MCU: variants seen among roughly 807,000 people sequenced by gnomAD.
MCU encodes calcium uniporter protein, mitochondrial.
Under a neutral mutation model 45.2 loss-of-function variants are expected in MCU, and 12 were observed. The ratio of observed to expected loss-of-function variants is 0.27; its 90% CI spans 0.17 to 0.43. The LOEUF is 0.43. Ranked by LOEUF, MCU falls within the 20% of genes least tolerant of loss-of-function variation. MCU has a pLI of 1.00. For missense variants in MCU, 324 were observed against 436.7 expected (o/e 0.74, Z 2.30); for synonymous variants, 160 against 165.1 (o/e 0.97, Z 0.24).
At chr10:72,779,136 A>G (rs566223074) in intron 1 of MCU, among the ~76,000 whole-genome samples, 2 of 152,072 alleles carry the variant, frequency 1.3e-5, no homozygotes, top group African/African-American at 2.4e-5. Flanking sequence ...TGCCCAGCTA[A>G]TTTTTGTATT....
chr10:72,804,046 A>G (rs1328546410), intron 1 of MCU, among the ~76,000 whole-genome samples: 1 of 79,978 alleles, frequency 1.3e-5, no homozygotes, highest in Non-Finnish European at 2.4e-5. Context: ...ATATATATAT[A>G]TATATATATA....
At chr10:72,869,152 A>G (rs143635948) in intron 5 of MCU, among the ~76,000 whole-genome samples, 1 of 152,356 alleles carries the variant, frequency 6.6e-6, no homozygotes, top group East Asian at 1.9e-4. Context: ...TGATCAGGAA[A>G]GGCTCTTGAG....
intron 1 of MCU, among the ~76,000 whole-genome samples, chr10:72,785,143 TAC>T (rs1844053562): frequency 6.6e-6 from 1 of 152,196 alleles, no homozygotes; most frequent in Admixed American, 6.5e-5. Flanking sequence ...CCACATATAT[TAC>T]ACAGTCGGCG....
At chr10:72,724,026 C>T (rs1163148026) in intron 1 of MCU, among the ~76,000 whole-genome samples, 1 of 152,148 alleles carries the variant, frequency 6.6e-6, no homozygotes, top group Non-Finnish European at 1.5e-5. Context: ...TCTAGATTTG[C>T]TCATCAAGAA....
chr10:72,727,620 T>C (rs1843118023), intron 1 of MCU, among the ~76,000 whole-genome samples: 1 of 152,246 alleles, frequency 6.6e-6, no homozygotes, highest in African/African-American at 2.4e-5. Context: ...ACTGATACTT[T>C]GAATTCTTCG....
intron 1 of MCU, among the ~76,000 whole-genome samples, chr10:72,799,364 T>C (rs906218583): frequency 6.6e-6 from 1 of 152,266 alleles, no homozygotes; most frequent in African/African-American, 2.4e-5. Context: ...TTACCTGCTG[T>C]GTGCCAAGCA....
chr10:72,709,964 C>T (rs1270351266), intron 1 of MCU, among the ~76,000 whole-genome samples: 1 of 152,102 alleles, frequency 6.6e-6, no homozygotes, highest in African/African-American at 2.4e-5. Flanking sequence ...ACTTTAAATA[C>T]ATAATGGCTT....
intron 1 of MCU, among the ~76,000 whole-genome samples, chr10:72,812,425 C>T (rs1159993406): frequency 6.6e-6 from 1 of 152,214 alleles, no homozygotes; most frequent in Non-Finnish European, 1.5e-5. Flanking sequence ...GGATTACAGG[C>T]ATGAGCCACT....
chr10:72,838,408 G>A (rs111287247), intron 2 of MCU, among the ~76,000 whole-genome samples: 3,418 of 152,180 alleles, frequency 0.022, 108 homozygotes, highest in African/African-American at 0.077. Flanking sequence ...GAGCTCAGGA[G>A]TTCAAGACCA....
chr10:72,746,203 G>A (rs1843412897), intron 1 of MCU, among the ~76,000 whole-genome samples: 1 of 152,106 alleles, frequency 6.6e-6, no homozygotes, highest in Admixed American at 6.5e-5. Context: ...ATATAAGACT[G>A]TCTCATACCA....
At chr10:72,712,234 T>C (rs1327773836) in intron 1 of MCU, 1 of 152,232 alleles carries the variant, frequency 6.6e-6, no homozygotes, top group Non-Finnish European at 1.5e-5. Context: ...GAATGCTGTT[T>C]TGACTTTCAA....
At chr10:72,816,286 GA>G (rs1488800702) in intron 1 of MCU, among the ~76,000 whole-genome samples, 1 of 152,070 alleles carries the variant, frequency 6.6e-6, no homozygotes, top group Non-Finnish European at 1.5e-5. Flanking sequence ...CTATTTCAGT[GA>G]AAACTTTAAA....
intron 4 of MCU, 65 bp from the exon 5 acceptor site, chr10:72,868,638 G>C: frequency 6.8e-7 from 1 of 1,474,122 alleles, no homozygotes; most frequent in South Asian, 1.2e-5. Context: ...TGCCTCATCT[G>C]ATAGTCCCAG....
intron 4 of MCU, chr10:72,861,763 C>A: frequency 3.1e-6 from 1 of 322,644 alleles, no homozygotes; most frequent in Non-Finnish European, 6.0e-6. Flanking sequence ...TCCCAAAGTG[C>A]CGAGATTATA....
intron 2 of MCU, among the ~76,000 whole-genome samples, chr10:72,846,833 A>G (rs778748123): frequency 1.8e-4 from 28 of 152,172 alleles, no homozygotes; most frequent in Non-Finnish European, 3.4e-4. Context: ...GAAGCAATGA[A>G]GGGAAGGAGT....
intron 1 of MCU, among the ~76,000 whole-genome samples, chr10:72,796,281 A>G (rs1372634298): frequency 6.6e-6 from 1 of 152,060 alleles, no homozygotes; most frequent in Admixed American, 6.6e-5. Flanking sequence ...TCTTCCAAAA[A>G]AAGGAAAATT....
chr10:72,823,037 A>G (rs761731292), intron 1 of MCU, among the ~76,000 whole-genome samples: 1 of 152,214 alleles, frequency 6.6e-6, no homozygotes, highest in Admixed American at 6.5e-5. Context: ...GAAGGAAAAT[A>G]TATGTTCACA....
At chr10:72,765,786 CAA>C (rs36071651) in intron 1 of MCU, among the ~76,000 whole-genome samples, 37 of 63,230 alleles carry the variant, frequency 5.9e-4, no homozygotes, top group African/African-American at 1.4e-3. Flanking sequence ...GACGCTGTCT[CAA>C]AAAAAAAAAA....
intron 1 of MCU, among the ~76,000 whole-genome samples, chr10:72,695,744 T>C (rs1031558227): frequency 6.6e-6 from 1 of 151,972 alleles, no homozygotes; most frequent in Admixed American, 6.6e-5. Context: ...AAGGTCTTGC[T>C]TTGTCACCCA....
Sources: gnomAD v4.1 joint callset for allele counts (sites outside exome capture counted in the v4.1 genomes callset) on GRCh38, gnomAD v4.1.1 for gene constraint, MANE v1.5 for transcripts, NCBI Gene and HGNC (gene_info 2026-07-23, HGNC 2026-07-21) for gene names.